The following MAST2 variants were observed in gnomAD, a reference collection of about 807,000 sequenced individuals.
MAST2 encodes microtubule-associated serine/threonine-protein kinase 2.
A neutral mutation model predicts 147.4 loss-of-function variants in MAST2; 70 were observed. The observed-to-expected ratio is 0.47, with a 90% confidence interval of 0.39 to 0.58. The LOEUF (loss-of-function observed/expected upper bound fraction) is 0.58, where lower values mean the gene tolerates loss of function less well. MAST2 is among the 20% of genes least tolerant of loss of function. The pLI, the probability that MAST2 is intolerant of heterozygous loss-of-function variation, is 0.00. For missense variants in MAST2, 2,080 were observed against 2,302.3 expected, an observed-to-expected ratio of 0.90 and a Z score of 1.98; for synonymous variants, 869 against 896.8, an observed-to-expected ratio of 0.97 and a Z score of 0.55.
At chr1:45,945,946 G>C (rs1340413976) in intron 4 of MAST2, among the ~76,000 whole-genome samples, 1 of 152,188 alleles carries the variant, frequency 6.6e-6, no homozygotes, top group Non-Finnish European at 1.5e-5. Flanking sequence ...TAGTGGAAGT[G>C]TACTCCATTC....
intron 1 of MAST2, among the ~76,000 whole-genome samples, chr1:45,819,300 T>A (rs947383307): frequency 6.6e-6 from 1 of 151,352 alleles, no homozygotes; most frequent in Non-Finnish European, 1.5e-5. Flanking sequence ...TGACAAATTC[T>A]AATCATGCAA....
chr1:45,871,330 T>A (rs1646384685), intron 3 of MAST2, among the ~76,000 whole-genome samples: 2 of 152,010 alleles, frequency 1.3e-5, no homozygotes, highest in Admixed American at 6.6e-5. Flanking sequence ...TCCTGAACAC[T>A]ACAAGCACTC....
chr1:45,849,884 C>T (rs1645569310), intron 3 of MAST2, among the ~76,000 whole-genome samples: 1 of 152,180 alleles, frequency 6.6e-6, no homozygotes, highest in African/African-American at 2.4e-5. Flanking sequence ...CATGTCTTTA[C>T]TATTGTGAAT....
At chr1:45,981,530 C>T (rs1644407157) in intron 5 of MAST2, among the ~76,000 whole-genome samples, 1 of 152,178 alleles carries the variant, frequency 6.6e-6, no homozygotes, top group African/African-American at 2.4e-5. Flanking sequence ...TAATTTTTAA[C>T]CTTGTGGCCA....
intron 5 of MAST2, among the ~76,000 whole-genome samples, chr1:45,980,664 A>G (rs1405417349): frequency 2.0e-5 from 3 of 152,014 alleles, no homozygotes; most frequent in African/African-American, 7.2e-5. Flanking sequence ...CCTCCCGATT[A>G]TCTGTGACTA....
intron 4 of MAST2, 34 bp from the exon 5 acceptor site, chr1:45,959,352 C>T (rs769564115): frequency 6.4e-7 from 1 of 1,556,638 alleles, no homozygotes; most frequent in Non-Finnish European, 8.9e-7. Context: ...CATGGTGTGG[C>T]CCTATTATAA....
chr1:45,870,911 A>G (rs1646360434), intron 3 of MAST2, among the ~76,000 whole-genome samples: 1 of 152,120 alleles, frequency 6.6e-6, no homozygotes, highest in Non-Finnish European at 1.5e-5. Flanking sequence ...CCTGGGTGAC[A>G]GCAAGACCGT....
intron 5 of MAST2, among the ~76,000 whole-genome samples, chr1:45,960,592 T>C (rs1660281365): frequency 6.6e-6 from 1 of 152,194 alleles, no homozygotes; most frequent in African/African-American, 2.4e-5. Context: ...AAGAAAGACC[T>C]CATCGGAGTC....
intron 1 of MAST2, among the ~76,000 whole-genome samples, chr1:45,819,340 G>A (rs983649391): frequency 6.6e-6 from 1 of 151,504 alleles, no homozygotes; most frequent in African/African-American, 2.4e-5. Context: ...TACCAACCTA[G>A]TAGTACTGGA....
chr1:45,943,542 T>G (rs1030667893), intron 4 of MAST2, among the ~76,000 whole-genome samples: 1 of 152,242 alleles, frequency 6.6e-6, no homozygotes, highest in African/African-American at 2.4e-5. Flanking sequence ...GTTTCAGTAC[T>G]TGAAGATCAA....
intron 4 of MAST2, among the ~76,000 whole-genome samples, chr1:45,933,647 G>A (rs906773064): frequency 5.9e-5 from 9 of 151,570 alleles, no homozygotes; most frequent in Admixed American, 1.3e-4. Context: ...CCAGCTACTC[G>A]GGAGGCTGAG....
At chr1:45,878,079 T>G (rs1646682216) in intron 3 of MAST2, among the ~76,000 whole-genome samples, 1 of 151,822 alleles carries the variant, frequency 6.6e-6, no homozygotes, top group African/African-American at 2.4e-5. Flanking sequence ...TGGCACATGC[T>G]TGTAAACCCA....
intron 5 of MAST2, among the ~76,000 whole-genome samples, chr1:45,972,178 G>A (rs1342301045): frequency 1.4e-4 from 22 of 152,216 alleles, no homozygotes; most frequent in Non-Finnish European, 2.9e-5. Flanking sequence ...GTTTGAAGCT[G>A]TCAAGGAGGA....
At chr1:45,925,261 G>A (rs549774347) in intron 4 of MAST2, among the ~76,000 whole-genome samples, 18 of 152,190 alleles carry the variant, frequency 1.2e-4, no homozygotes, top group African/African-American at 3.9e-4. Flanking sequence ...AATACATTGC[G>A]TTTTATGCCT....
intron 8 of MAST2, among the ~76,000 whole-genome samples, chr1:46,007,093 G>T (rs1645518696): frequency 6.6e-6 from 1 of 152,194 alleles, no homozygotes; most frequent in Non-Finnish European, 1.5e-5. Flanking sequence ...TTTGGCATTA[G>T]CTGGTAAATC....
intron 4 of MAST2, among the ~76,000 whole-genome samples, chr1:45,907,127 C>T (rs1221284737): frequency 6.6e-6 from 1 of 152,152 alleles, no homozygotes; most frequent in Admixed American, 6.5e-5. Context: ...CCTAACAATG[C>T]ATTTCTCAGA....
chr1:46,002,977 C>G lies in MAST2; in HGVS notation c.747+94C>G. 8 of 1,283,638 alleles carry G rather than the reference C, an allele frequency of 6.2e-6. No homozygotes were observed. In the South Asian group the frequency reaches 9.6e-5, roughly 15 times the overall value. 79.5% of individuals were successfully genotyped at this position (1,283,638 alleles called of 1,614,324 possible). A position where few individuals can be genotyped will look rare whatever the true frequency, so the allele number is the denominator to read the frequency against. ...GTCACAAAATGGTTCTCAACTTTTT[C>G]TCCAAAGTCAAACTCAGAGAGGTTG... is the stretch of plus-strand genomic sequence containing the variant. On this transcript the variant is annotated intron_variant, in intron 7 of 28. Transcript: ENST00000361297.
In MAST2 at chr1:46,032,282, C is replaced by CT. The variant is rs1646701772; in HGVS notation, c.3294dup (p.Gly1099TrpfsTer29). On this transcript the variant is annotated frameshift_variant, in exon 25 of 29. Transcript: ENST00000361297. LOFTEE classifies it high-confidence loss of function. ...TCCAAGCAGGGACTTCTTGCCAGCC[C>CT]TTGGCAGCATGAGGCCTCCCATCAT... is the stretch of plus-strand genomic sequence containing the variant. The CT allele has an allele frequency of 6.2e-7, 1 of 1,614,106 alleles. No individual in the cohort carries two copies. Among genetic ancestry groups the CT allele is most frequent in the Non-Finnish European group, 8.5e-7 (1 of 1,180,046 alleles).
chr1:45,946,320 A>G (rs1006962084), intron 4 of MAST2, among the ~76,000 whole-genome samples: 3 of 152,188 alleles, frequency 2.0e-5, no homozygotes, highest in Admixed American at 6.5e-5. Context: ...GGAAAATCCT[A>G]TCCTCATCTT....
Sources: gnomAD v4.1 joint callset for allele counts (sites outside exome capture counted in the v4.1 genomes callset) on GRCh38, gnomAD v4.1.1 for gene constraint, MANE v1.5 for transcripts, NCBI Gene and HGNC (gene_info 2026-07-23, HGNC 2026-07-21) for gene names.